Variants in CACNA1A observed in about 807,000 individuals in gnomAD.
CACNA1A encodes the protein voltage-dependent P/Q-type calcium channel subunit alpha-1A.
CACNA1A carries 57 observed loss-of-function variants against 262.4 expected under a neutral mutation model. The ratio of observed to expected loss-of-function variants is 0.22; its 90% CI spans 0.18 to 0.27. The LOEUF (loss-of-function observed/expected upper bound fraction) is 0.27, where lower values mean the gene tolerates loss of function less well. Among genes scored for constraint, CACNA1A ranks in the 10% least tolerant of loss-of-function variants. CACNA1A has a pLI of 1.00. For missense variants in CACNA1A, 2,526 were observed against 3,562.8 expected, an observed-to-expected ratio of 0.71 and a Z score of 7.41; for synonymous variants, 1,431 against 1,419.3, an observed-to-expected ratio of 1.01 and a Z score of -0.18.
chr19:13,460,751 G>A (rs1454298652), intron 1 of CACNA1A, among the ~76,000 whole-genome samples: 2 of 151,956 alleles, frequency 1.3e-5, no homozygotes. Flanking sequence ...TGTACCTGCT[G>A]TTCATTCTCC....
intron 3 of CACNA1A, among the ~76,000 whole-genome samples, chr19:13,385,894 T>C (rs751255956): frequency 3.3e-5 from 5 of 152,046 alleles, no homozygotes; most frequent in Non-Finnish European, 7.4e-5. Flanking sequence ...TGGTGGCTTA[T>C]GCCTGTAATC....
chr19:13,393,086 T>C (rs1207432213), intron 3 of CACNA1A, among the ~76,000 whole-genome samples: 1 of 152,178 alleles, frequency 6.6e-6, no homozygotes, highest in Non-Finnish European at 1.5e-5. Context: ...AGGCAGTTCC[T>C]ACCAAAGCTA....
intron 3 of CACNA1A, among the ~76,000 whole-genome samples, chr19:13,389,753 T>G (rs2059680655): frequency 6.6e-6 from 1 of 152,174 alleles, no homozygotes; most frequent in African/African-American, 2.4e-5. Flanking sequence ...GTTATTCTGG[T>G]TGACTTGCAG....
intron 22 of CACNA1A, chr19:13,277,397 A>G: frequency 3.2e-6 from 1 of 312,216 alleles, no homozygotes; most frequent in East Asian, 6.0e-5. Context: ...TCGCTAACCC[A>G]CGGGAAGGGT....
chr19:13,381,095 C>T lies in CACNA1A; in HGVS notation c.540-9316G>A, dbSNP rs145669884. 7.9e-5 allele frequency among the ~76,000 whole-genome samples: 12 copies of T among 152,202 alleles called. 1 individual carries two copies. Among genetic ancestry groups the T allele is most frequent in the African/African-American group, 2.6e-4 (11 of 41,546 alleles). On this transcript the variant is annotated intron_variant, in intron 3 of 46. Coordinates refer to ENST00000360228, the MANE Select transcript of CACNA1A (RefSeq NM_001127222.2). Reference sequence around the variant, plus strand: ...CCAGCCTGAAGCATTCTAAGAAGATCGTAGACCTGCTGGGCACAAAAGCTC... The same window carrying T: ...CCAGCCTGAAGCATTCTAAGAAGATTGTAGACCTGCTGGGCACAAAAGCTC...
chr19:13,388,245 CTTTTTTTTTTTTTTTTT>C (rs1161893626), intron 3 of CACNA1A, among the ~76,000 whole-genome samples: 1 of 85,682 alleles, frequency 1.2e-5, no homozygotes, highest in Non-Finnish European at 2.1e-5. Context: ...TCTTCCTCTT[CTTTTTTTTTTTTTTTTT>C]TTTTTTTTTT....
intron 3 of CACNA1A, among the ~76,000 whole-genome samples, chr19:13,417,046 A>C (rs1176025357): frequency 6.6e-6 from 1 of 152,216 alleles, no homozygotes; most frequent in Non-Finnish European, 1.5e-5. Context: ...AATGTTTCCA[A>C]GAATGGCTTT....
intron 5 of CACNA1A, chr19:13,364,010 G>A (rs2059159666): frequency 6.6e-6 from 1 of 152,194 alleles, no homozygotes; most frequent in African/African-American, 2.4e-5. Flanking sequence ...GTGGATCGTG[G>A]TGGACACACT....
In CACNA1A at chr19:13,206,997, A is replaced by G. The variant is rs2054592978; in HGVS notation, c.*316T>C. ...TTCATGTTCCCCAAAGTTCTCCAAAAATGGCTGAGTTAATTCAAATCCCTT... is the reference window on the plus strand; with the variant it reads ...TTCATGTTCCCCAAAGTTCTCCAAAGATGGCTGAGTTAATTCAAATCCCTT... On this transcript the variant is annotated 3_prime_UTR_variant, in exon 47 of 47. Coordinates refer to ENST00000360228, the MANE Select transcript of CACNA1A (RefSeq NM_001127222.2). 2 of 145,114 alleles carry G rather than the reference A, an allele frequency of 1.4e-5. No individual in the cohort carries two copies. The highest frequency in any genetic ancestry group is 4.9e-4 in the South Asian group (2 of 4,094). 9.0% of individuals were successfully genotyped at this position (145,114 alleles called of 1,614,324 possible).
intron 6 of CACNA1A, among the ~76,000 whole-genome samples, chr19:13,346,549 T>G (rs2145188678): frequency 6.8e-6 from 1 of 147,978 alleles, no homozygotes; most frequent in East Asian, 2.0e-4. Context: ...TGTTGCTTTA[T>G]TAATTGACAT....
At chr19:13,307,234 T>A (rs1295936487) in intron 15 of CACNA1A, 1 of 152,380 alleles carries the variant, frequency 6.6e-6, no homozygotes, top group Non-Finnish European at 1.5e-5. Context: ...AAGTGGTTTT[T>A]TTTTTCTTTT....
chr19:13,400,869 A>G (rs2059888671), intron 3 of CACNA1A, among the ~76,000 whole-genome samples: 3 of 152,140 alleles, frequency 2.0e-5, no homozygotes, highest in Admixed American at 1.3e-4. Flanking sequence ...CTGTCATTCA[A>G]GTTGGAGTAA....
chr19:13,291,079 G>A (rs924217419), intron 19 of CACNA1A, among the ~76,000 whole-genome samples: 1 of 152,138 alleles, frequency 6.6e-6, no homozygotes, highest in African/African-American at 2.4e-5. Context: ...GAACTCAAAA[G>A]GGGCAGAAAA....
At chr19:13,376,875 T>TAA (rs1482511542) in intron 3 of CACNA1A, among the ~76,000 whole-genome samples, 6 of 142,420 alleles carry the variant, frequency 4.2e-5, no homozygotes, top group African/African-American at 7.5e-5. Flanking sequence ...GTGATATATA[T>TAA]AACACATGAT....
chr19:13,214,277 G>T lies in CACNA1A; in HGVS notation c.5896C>A (p.Arg1966=). The T allele has an allele frequency of 1.2e-6, 2 of 1,612,076 alleles. No individual in the cohort carries two copies. The highest frequency in any genetic ancestry group is 8.5e-7 in the Non-Finnish European group (1 of 1,179,854). Residue 1966 remains arginine (R), a synonymous_variant, in exon 40 of 47, where the codon CGG becomes AGG. Transcript: ENST00000360228. This position sits in a 1 kb window ranked among gnomAD's most constrained non-coding sequence, Gnocchi z 4.1. ...TGCAGCTTCTTGGCCTTGCTCTGCCGGTAGTACTCCATGATCATCATGGCT... is the reference window on the plus strand; with the variant it reads ...TGCAGCTTCTTGGCCTTGCTCTGCCTGTAGTACTCCATGATCATCATGGCT... ...YAAMMIMEYY[R]QSKAKKLQAM...
At chr19:13,356,716 C>T (rs1255608334) in intron 6 of CACNA1A, among the ~76,000 whole-genome samples, 1 of 152,126 alleles carries the variant, frequency 6.6e-6, no homozygotes, top group Non-Finnish European at 1.5e-5. Context: ...CCTGAGTTCC[C>T]AGCCTTCTCC....
rs539347883 is a variant in CACNA1A at position 13,212,433 on chromosome 19, G to A, written c.6140C>T (p.Pro2047Leu). ...CATGTCGGTAGGGGGGCCTTGTTCC[G>A]GACTCCATGTGCCCGTCTTCTGGAA... is the stretch of plus-strand genomic sequence containing the variant. ...EMFQKTGTWS[P>L]EQGPPTDMPN... Residue 2047 changes from proline to leucine, a missense_variant, in exon 42 of 47, where the codon CCG becomes CTG. Pro to Leu is a moderately conservative substitution (Grantham distance 98, BLOSUM62 -3). This residue lies in a region of CACNA1A where 929 missense variants were observed against 868.1 expected (regional missense o/e 1.07). Coordinates refer to ENST00000360228, the MANE Select transcript of CACNA1A (RefSeq NM_001127222.2). This position sits in a 1 kb window ranked among gnomAD's most constrained non-coding sequence, Gnocchi z 5.6. The A allele has an allele frequency of 3.0e-5, 49 of 1,612,732 alleles. No individual in the cohort carries two copies. Among genetic ancestry groups the A allele is most frequent in the Non-Finnish European group, 3.6e-5 (43 of 1,179,444 alleles).
At chr19:13,449,884 T>G (rs529723731) in intron 3 of CACNA1A, among the ~76,000 whole-genome samples, 1 of 152,302 alleles carries the variant, frequency 6.6e-6, no homozygotes, top group East Asian at 1.9e-4. Context: ...CTTACGCCTG[T>G]AATCCCAGCA....
intron 5 of CACNA1A, among the ~76,000 whole-genome samples, chr19:13,360,249 C>CTGTGTG (rs57607096): frequency 1.8e-5 from 2 of 109,008 alleles, no homozygotes; most frequent in Non-Finnish European, 2.0e-5. Flanking sequence ...TATTAGGTGT[C>CTGTGTG]TGTGTGTGTG....
Sources: gnomAD v4.1 joint callset for allele counts (sites outside exome capture counted in the v4.1 genomes callset) on GRCh38, gnomAD v4.1.1 for gene constraint, gnomAD v4.1.1 regional missense constraint, Gnocchi (gnomAD v3.1) non-coding constraint, MANE v1.5 for transcripts, NCBI Gene and HGNC (gene_info 2026-07-23, HGNC 2026-07-21) for gene names.